The following CSMD1 variants were observed in gnomAD, a reference collection of about 807,000 sequenced individuals.
The protein encoded by CSMD1 is CUB and sushi domain-containing protein 1.
In CSMD1, 213 loss-of-function variants were observed where a neutral mutation model predicts 417.5. The observed-to-expected ratio is 0.51, with a 90% confidence interval of 0.46 to 0.57. CSMD1 has a LOEUF of 0.57. CSMD1 is among the 20% of genes least tolerant of loss of function. The pLI, the probability that CSMD1 is intolerant of heterozygous loss-of-function variation, is 0.00. For missense variants in CSMD1, 6,923 were observed against 4,529.7 expected, an observed-to-expected ratio of 1.53 and a Z score of -15.17; for synonymous variants, 2,862 against 1,736.8, an observed-to-expected ratio of 1.65 and a Z score of -16.11.
chr8:4,710,464 T>TTTTATATA (rs1554452186), intron 1 of CSMD1, among the ~76,000 whole-genome samples: 3 of 144,844 alleles, frequency 2.1e-5, no homozygotes, highest in Admixed American at 6.9e-5. Flanking sequence ...TAATGGAATA[T>TTTTATATA]TATATATATA....
intron 17 of CSMD1, 87 bp downstream of exon 17, chr8:3,396,107 C>G (rs1811680703): frequency 1.8e-6 from 2 of 1,139,078 alleles, no homozygotes; most frequent in Admixed American, 4.1e-5. Context: ...CTAGCACAGT[C>G]ATCTGCAGGC....
chr8:3,903,947 A>C (rs1206816551), intron 5 of CSMD1, among the ~76,000 whole-genome samples: 1 of 151,748 alleles, frequency 6.6e-6, no homozygotes, highest in African/African-American at 2.4e-5. Flanking sequence ...TTTGTTTCTC[A>C]TTTGGATTAA....
intron 1 of CSMD1, among the ~76,000 whole-genome samples, chr8:4,743,430 G>T (rs768949849): frequency 6.6e-6 from 1 of 152,088 alleles, no homozygotes; most frequent in Non-Finnish European, 1.5e-5. Context: ...AAAAATGAAC[G>T]TGTGTCAAGA....
intron 3 of CSMD1, among the ~76,000 whole-genome samples, chr8:4,208,616 G>A (rs1415162218): frequency 6.6e-6 from 1 of 151,908 alleles, no homozygotes; most frequent in Non-Finnish European, 1.5e-5. Flanking sequence ...AATGAATATA[G>A]AGTCATAAAA....
intron 50 of CSMD1, among the ~76,000 whole-genome samples, chr8:3,041,611 C>A (rs1398005815): frequency 2.0e-5 from 3 of 152,244 alleles, no homozygotes; most frequent in Admixed American, 1.3e-4. Context: ...CCACATCTAT[C>A]TGTAGAAATG....
chr8:4,398,648 G>C (rs557721998), intron 3 of CSMD1, among the ~76,000 whole-genome samples: 1 of 151,886 alleles, frequency 6.6e-6, no homozygotes, highest in Non-Finnish European at 1.5e-5. Flanking sequence ...GCCCCTCTTG[G>C]CCTCCCAAAG....
At chr8:3,738,070 G>A (rs983967380) in intron 6 of CSMD1, among the ~76,000 whole-genome samples, 1 of 152,194 alleles carries the variant, frequency 6.6e-6, no homozygotes, top group South Asian at 2.1e-4. Context: ...TAATGTAAAT[G>A]ATTACTATAG....
At chr8:4,227,627 G>A (rs1017647898) in intron 3 of CSMD1, among the ~76,000 whole-genome samples, 4 of 151,938 alleles carry the variant, frequency 2.6e-5, no homozygotes, top group East Asian at 1.9e-4. Flanking sequence ...TCAGACACTC[G>A]GCCTTCTTCC....
At chr8:4,549,588 G>T (rs547413191) in intron 2 of CSMD1, among the ~76,000 whole-genome samples, 18 of 151,938 alleles carry the variant, frequency 1.2e-4, no homozygotes, top group Non-Finnish European at 2.6e-4. Context: ...GGCACTCTTG[G>T]ATCAACAAAG....
At chr8:4,991,593 T>G (rs1355842740) in intron 1 of CSMD1, among the ~76,000 whole-genome samples, 1 of 152,114 alleles carries the variant, frequency 6.6e-6, no homozygotes. Context: ...GGCGCCCTCC[T>G]GCCGGAGCGC....
chr8:3,144,073 C>T (rs1303385868), intron 40 of CSMD1, among the ~76,000 whole-genome samples: 1 of 152,176 alleles, frequency 6.6e-6, no homozygotes, highest in Admixed American at 6.5e-5. Flanking sequence ...TGGTGGGCAT[C>T]ACGTAGGGCC....
chr8:4,468,832 C>A (rs1191170522), intron 2 of CSMD1, among the ~76,000 whole-genome samples: 2 of 152,114 alleles, frequency 1.3e-5, no homozygotes, highest in Non-Finnish European at 2.9e-5. Flanking sequence ...TTAGCCCAAA[C>A]AGCAATTGAA....
intron 3 of CSMD1, among the ~76,000 whole-genome samples, chr8:4,371,401 TTC>T (rs1802387822): frequency 1.3e-5 from 2 of 152,232 alleles, no homozygotes; most frequent in Admixed American, 6.5e-5. Flanking sequence ...CATATTTTTA[TTC>T]TGTTTAATTC....
At chr8:4,540,055 G>A (rs1797303218) in intron 2 of CSMD1, among the ~76,000 whole-genome samples, 2 of 152,168 alleles carry the variant, frequency 1.3e-5, no homozygotes, top group Admixed American at 6.5e-5. Context: ...ACCTCCCCCG[G>A]CTTCTTTCTG....
chr8:3,326,957 G>C (rs1366965745), intron 23 of CSMD1, among the ~76,000 whole-genome samples: 2 of 151,916 alleles, frequency 1.3e-5, no homozygotes, highest in East Asian at 1.9e-4. Flanking sequence ...TGGGAGGATA[G>C]CATGAGCCCA....
At chr8:3,288,223 T>A (rs1402502770) in intron 25 of CSMD1, among the ~76,000 whole-genome samples, 1 of 147,308 alleles carries the variant, frequency 6.8e-6, no homozygotes, top group Non-Finnish European at 1.5e-5. Context: ...TATTGAGGAT[T>A]TTTGCATCGA....
chr8:4,102,545 T>G (rs1801359284), intron 3 of CSMD1, among the ~76,000 whole-genome samples: 1 of 151,910 alleles, frequency 6.6e-6, no homozygotes, highest in African/African-American at 2.4e-5. Context: ...CACTGAAATG[T>G]CAGCTTATCA....
At chr8:3,948,607 T>A (rs1811398145) in intron 5 of CSMD1, among the ~76,000 whole-genome samples, 1 of 152,156 alleles carries the variant, frequency 6.6e-6, no homozygotes, top group African/African-American at 2.4e-5. Context: ...TGTTTTAACA[T>A]CAATTCCACA....
intron 61 of CSMD1, 55 bp downstream of exon 61, chr8:2,962,411 C>A (rs1014456020): frequency 1.8e-5 from 27 of 1,474,342 alleles, no homozygotes; most frequent in Admixed American, 3.8e-5. Flanking sequence ...CGGAATGAAG[C>A]GTCCTCATCT....
Sources: allele counts gnomAD v4.1 joint callset (sites outside exome capture counted in the v4.1 genomes callset), GRCh38; gene constraint gnomAD v4.1.1; transcripts MANE v1.5; gene names NCBI Gene and HGNC (gene_info 2026-07-23, HGNC 2026-07-21).